MED15: variants seen among roughly 807,000 people sequenced by gnomAD.
The protein encoded by MED15 is mediator of RNA polymerase II transcription subunit 15.
In MED15, 41 loss-of-function variants were observed where a neutral mutation model predicts 118.7. That is an observed-to-expected ratio of 0.35 (90% CI 0.27 to 0.45). The LOEUF is 0.45. MED15 is among the 20% of genes least tolerant of loss of function. MED15 has a pLI of 1.00. For missense variants in MED15, 740 were observed against 1,025.5 expected (o/e 0.72, Z 3.80); for synonymous variants, 436 against 413.9 (o/e 1.05, Z -0.65).
Position 20,585,154 on chromosome 22 carries a change from G to A in MED15, c.2018G>A (p.Ser673Asn). 6.2e-7 allele frequency: 1 copy of A among 1,613,752 alleles called. No individual in the cohort carries two copies. Among genetic ancestry groups the A allele is most frequent in the Non-Finnish European group, 8.5e-7 (1 of 1,180,008 alleles). Residue 673 changes from serine to asparagine, a missense_variant, in exon 16 of 18, where the codon AGC becomes AAC. Transcript: ENST00000263205. Reference sequence around the variant, plus strand: ...AGGCTTGAGGATGATGAGCGGCAGAGCATCCCCAGTGTGCTCCAGGGTGAG... The same window carrying A: ...AGGCTTGAGGATGATGAGCGGCAGAACATCCCCAGTGTGCTCCAGGGTGAG... Reference protein sequence around the residue: ...KRRLEDDERQSIPSVLQGEVA... With the variant: ...KRRLEDDERQNIPSVLQGEVA...
chr22:20,586,788 TAGAG>T lies in MED15; in HGVS notation c.*87_*90del, dbSNP rs1224931102. 1 of 1,555,440 alleles carries T rather than the reference TAGAG, an allele frequency of 6.4e-7. No homozygotes were observed. Among genetic ancestry groups the T allele is most frequent in the African/African-American group, 1.4e-5 (1 of 73,554 alleles). On this transcript the variant is annotated 3_prime_UTR_variant, in exon 18 of 18. Transcript: ENST00000263205. The stretch of plus-strand genomic sequence containing the variant: ...AGACACTTCTAGGTGTTGGCTTCCT[TAGAG>T]AGCCTGGGGTTAGGTTAGCTTTCCT...
At chr22:20,550,127 C>G (rs1414056097) in intron 2 of MED15, among the ~76,000 whole-genome samples, 1 of 152,176 alleles carries the variant, frequency 6.6e-6, no homozygotes, top group Non-Finnish European at 1.5e-5. Context: ...GGCCACCTTG[C>G]TTCTGTTCCT....
chr22:20,540,741 G>C (rs1227182038), intron 2 of MED15, among the ~76,000 whole-genome samples: 15 of 152,114 alleles, frequency 9.9e-5, no homozygotes, highest in African/African-American at 9.7e-5. Flanking sequence ...AAAAAACGTA[G>C]ATAAATTTGA....
In MED15 at chr22:20,536,889, C is replaced by A. The variant is rs1167055940; in HGVS notation, c.69-228C>A. ...CCAGGGCTCTCTCTTTGCTTCATGGCGACCACCTTTCCTGTCCCTTTTTTC... is the reference window on the plus strand; with the variant it reads ...CCAGGGCTCTCTCTTTGCTTCATGGAGACCACCTTTCCTGTCCCTTTTTTC... On this transcript the variant is annotated intron_variant, in intron 1 of 17. Coordinates refer to ENST00000263205, the MANE Select transcript of MED15 (RefSeq NM_001003891.3). 2.0e-5 allele frequency among the ~76,000 whole-genome samples: 3 copies of A among 152,202 alleles called. No individual in the cohort carries two copies. The East Asian group carries it at 5.8e-4, about 29-fold the overall frequency.
intron 1 of MED15, among the ~76,000 whole-genome samples, chr22:20,520,246 C>T (rs774995351): frequency 6.6e-6 from 1 of 152,184 alleles, no homozygotes. Flanking sequence ...ACTCATCCCA[C>T]GTGCCCGCTG....
chr22:20,555,225 G>A (rs754759223), intron 5 of MED15, 77 bp downstream of exon 5: 1 of 1,365,080 alleles, frequency 7.3e-7, no homozygotes, highest in Non-Finnish European at 9.9e-7. Context: ...GCTTATGATG[G>A]TATCAAGAAA....
In MED15 at chr22:20,585,262, A is replaced by C. The variant is rs745536006; in HGVS notation, c.2126A>C (p.Lys709Thr). The C allele has an allele frequency of 6.2e-7, 1 of 1,612,994 alleles. No homozygotes were observed. The highest frequency in any genetic ancestry group is 1.1e-5 in the South Asian group (1 of 91,082). Residue 709 changes from lysine to threonine, a missense_variant, in exon 16 of 18, where the codon AAG becomes ACG. Lys to Thr is a moderately conservative substitution (Grantham distance 78). This residue lies in a region of MED15 where 179 missense variants were observed against 259.0 expected (regional missense o/e 0.69). Coordinates refer to ENST00000263205, the MANE Select transcript of MED15 (RefSeq NM_001003891.3). ...AATGGCACTGTCCACCTGATCTGCA[A>C]GCTGGGTGAGTGTCCAGAGGGCCGG... ...SNNGTVHLIC[K>T]LDDKDLPSVP...
chr22:20,553,652 C>A (rs113574965), intron 4 of MED15, among the ~76,000 whole-genome samples: 109 of 152,226 alleles, frequency 7.2e-4, no homozygotes, highest in African/African-American at 2.5e-3. Context: ...GCAGGCAGAT[C>A]AGTTGAGGTC....
Position 20,566,932 on chromosome 22 carries a change from G to A in MED15, c.1041+115G>A, listed in dbSNP as rs548177531. On this transcript the variant is annotated intron_variant, in intron 7 of 17. Coordinates refer to ENST00000263205, the MANE Select transcript of MED15 (RefSeq NM_001003891.3). Reference sequence around the variant, plus strand: ...CTATTCTTCAAGTGCTGAGACTTCAGGCAGCCCCCACCCCTTGCCAGCCCT... The same window carrying A: ...CTATTCTTCAAGTGCTGAGACTTCAAGCAGCCCCCACCCCTTGCCAGCCCT... 1.1e-4 allele frequency: 173 copies of A among 1,525,574 alleles called. 1 individual carries two copies. In the South Asian group the frequency reaches 1.9e-3, roughly 17 times the overall value. 94.5% of individuals were successfully genotyped at this position (1,525,574 alleles called of 1,614,324 possible).
At chr22:20,586,532 G>A (rs778213353) in intron 17 of MED15, 36 bp from the exon 18 acceptor site, 142 of 1,602,390 alleles carry the variant, frequency 8.9e-5, no homozygotes, top group Non-Finnish European at 1.1e-4. Context: ...GCGCAGCGCC[G>A]GCCGCCTTAG....
intron 8 of MED15, among the ~76,000 whole-genome samples, chr22:20,569,943 A>T (rs995845265): frequency 1.3e-5 from 2 of 152,178 alleles, no homozygotes; most frequent in Admixed American, 1.3e-4. Context: ...TAGTGGTGGC[A>T]CATAGTGACT....
At chr22:20,566,146 TCTC>T (rs1217834670) in intron 6 of MED15, among the ~76,000 whole-genome samples, 7 of 151,794 alleles carry the variant, frequency 4.6e-5, no homozygotes, top group African/African-American at 1.5e-4. Context: ...TTTAAGTGAT[TCTC>T]CTGCCTCAGC....
chr22:20,544,147 A>G lies in MED15; in HGVS notation c.156+6943A>G, dbSNP rs5995853. On this transcript the variant is annotated intron_variant, in intron 2 of 17. Coordinates refer to ENST00000263205, the MANE Select transcript of MED15 (RefSeq NM_001003891.3). ...TGTATCAAGTTCGTCATTTCCTTTAAGGCAGAGTCTGGGTGACAGTCTTTA... is the reference window on the plus strand; with the variant it reads ...TGTATCAAGTTCGTCATTTCCTTTAGGGCAGAGTCTGGGTGACAGTCTTTA... Among the ~76,000 whole-genome samples the G allele has an allele frequency of 2.7e-3, 410 of 152,306 alleles. 1 individual carries two copies. The highest frequency in any genetic ancestry group is 8.5e-3 in the African/African-American group (352 of 41,562).
intron 9 of MED15, among the ~76,000 whole-genome samples, chr22:20,576,684 C>T (rs1044212215): frequency 1.5e-4 from 22 of 145,486 alleles, no homozygotes; most frequent in African/African-American, 5.0e-4. Flanking sequence ...TCCAGAGGAG[C>T]GGAAGTTGGG....
rs558707831 is a variant in MED15, at chr22:20,515,193, G to A, written c.68+7447G>A. On this transcript the variant is annotated intron_variant, in intron 1 of 17. Transcript: ENST00000263205. ...GCTTTCTCAACAGCAGCTGACGTGC[G>A]GCAGGCATGCTATGCCAAGCCCTGT... Among the ~76,000 whole-genome samples the A allele has an allele frequency of 2.4e-4, 36 of 152,266 alleles. 1 individual carries two copies. Among genetic ancestry groups the A allele is most frequent in the Admixed American group, 2.0e-3 (31 of 15,286 alleles).
At chr22:20,585,304 C>A in intron 16 of MED15, 37 bp downstream of exon 16, 2 of 1,602,488 alleles carry the variant, frequency 1.2e-6, no homozygotes, top group Non-Finnish European at 1.7e-6. Context: ...TGTGGGAAAG[C>A]AGGCCCTGAC....
chr22:20,561,702 C>G (rs5996131), intron 5 of MED15, among the ~76,000 whole-genome samples: 3,838 of 152,026 alleles, frequency 0.025, 167 homozygotes, highest in African/African-American at 0.088. Flanking sequence ...ATAAAACATG[C>G]GGAAGGATTT....
At chr22:20,585,306 G>A in intron 16 of MED15, 39 bp downstream of exon 16, 1 of 1,601,668 alleles carries the variant, frequency 6.2e-7, no homozygotes, top group Admixed American at 1.7e-5. Flanking sequence ...TGGGAAAGCA[G>A]GCCCTGACCG....
chr22:20,587,190 C>T lies in MED15; in HGVS notation c.*486C>T, dbSNP rs933531571. The T allele has an allele frequency of 6.2e-6, 1 of 162,512 alleles. No homozygotes were observed. The highest frequency in any genetic ancestry group is 2.4e-5 in the African/African-American group (1 of 41,784). The allele number at this position is 162,512 out of a possible 1,614,324, so 10.1% of individuals were successfully genotyped here. A position where few individuals can be genotyped will look rare whatever the true frequency, so the allele number is the denominator to read the frequency against. ...CTGCTTTGGGCAGGTGGAGCACCCC[C>T]CGAGGAAGCCTGCAAGTCCAGGGCA... On this transcript the variant is annotated 3_prime_UTR_variant, in exon 18 of 18. Transcript: ENST00000263205.
Sources: allele counts gnomAD v4.1 joint callset (sites outside exome capture counted in the v4.1 genomes callset), GRCh38; gene constraint gnomAD v4.1.1; regional missense constraint gnomAD v4.1.1; transcripts MANE v1.5; gene names NCBI Gene and HGNC (gene_info 2026-07-23, HGNC 2026-07-21).